Variants in TRIB2 observed in about 807,000 individuals in gnomAD.
TRIB2 encodes the protein tribbles homolog 2.
In TRIB2, 2 loss-of-function variants were observed where a neutral mutation model predicts 26.8. The observed-to-expected ratio is 0.07, with a 90% CI of 0.03 to 0.24. TRIB2 has a LOEUF of 0.24. Among genes scored for constraint, TRIB2 ranks in the 10% least tolerant of loss-of-function variants. The pLI, the probability that TRIB2 is intolerant of heterozygous loss-of-function variation, is 1.00. For synonymous variants in TRIB2, 189 were observed against 187.3 expected, an observed-to-expected ratio of 1.01 and a Z score of -0.08; for missense variants, 306 against 449.0, an observed-to-expected ratio of 0.68 and a Z score of 2.88.
chr2:12,728,639 C>A (rs912935436), intron 2 of TRIB2, among the ~76,000 whole-genome samples: 1 of 152,160 alleles, frequency 6.6e-6, no homozygotes, highest in South Asian at 2.1e-4. Flanking sequence ...TATCTCTTGA[C>A]GTGACAGGTT....
At chr2:12,725,447 CAGCT>C (rs1221560143) in intron 2 of TRIB2, among the ~76,000 whole-genome samples, 2 of 152,228 alleles carry the variant, frequency 1.3e-5, no homozygotes, top group African/African-American at 4.8e-5. Flanking sequence ...CCAGTGCACA[CAGCT>C]AGCTAGGAGC....
At chr2:12,722,548 G>T (rs1239356248) in intron 1 of TRIB2, among the ~76,000 whole-genome samples, 1 of 152,162 alleles carries the variant, frequency 6.6e-6, no homozygotes, top group African/African-American at 2.4e-5. Context: ...TTGGCATTTT[G>T]CAGGCTAATT....
At position 12,724,675 on chromosome 2, in the gene TRIB2, T is replaced by C. The variant is rs373482368; in HGVS notation, c.563+1123T>C. 70 of 1,612,806 alleles carry C rather than the reference T, an allele frequency of 4.3e-5. No homozygotes were observed. The African/African-American group carries it at 8.0e-4, about 18-fold the overall frequency. On this transcript the variant is annotated intron_variant, in intron 2 of 2. Coordinates refer to ENST00000155926, the MANE Select transcript of TRIB2 (RefSeq NM_021643.4). ...GGAGATGTTTCCCCTGGTTTTGCCT[T>C]CGATACCCTCTGTGATCTTGGATTG...
chr2:12,738,882 A>G (rs1661645838), intron 2 of TRIB2, among the ~76,000 whole-genome samples: 1 of 152,190 alleles, frequency 6.6e-6, no homozygotes, highest in South Asian at 2.1e-4. Context: ...AATTTATGTC[A>G]TACACAATGA....
chr2:12,724,158 G>A (rs1471010546), intron 2 of TRIB2, among the ~76,000 whole-genome samples: 1 of 152,154 alleles, frequency 6.6e-6, no homozygotes, highest in African/African-American at 2.4e-5. Context: ...TTACAGGAGG[G>A]GTGATTTTGG....
chr2:12,735,184 T>C (rs1345085925), intron 2 of TRIB2, among the ~76,000 whole-genome samples: 1 of 152,160 alleles, frequency 6.6e-6, no homozygotes, highest in African/African-American at 2.4e-5. Flanking sequence ...TGCCTAGAAG[T>C]TTTGTAAACA....
At chr2:12,733,173 C>G (rs1045570016) in intron 2 of TRIB2, among the ~76,000 whole-genome samples, 8 of 152,204 alleles carry the variant, frequency 5.3e-5, no homozygotes, top group African/African-American at 1.9e-4. Context: ...CACTGGCTTG[C>G]GAGGTGGCCT....
In TRIB2 at chr2:12,725,777, G is replaced by A. The variant is rs184495829; in HGVS notation, c.563+2225G>A. The stretch of plus-strand genomic sequence containing the variant: ...TTTCATTTTCAAGAGCATTTTCCAA[G>A]GTAAAAAGAGAATGTAAAGGACTGT... On this transcript the variant is annotated intron_variant, in intron 2 of 2. Coordinates refer to ENST00000155926, the MANE Select transcript of TRIB2 (RefSeq NM_021643.4). Among the ~76,000 whole-genome samples the A allele has an allele frequency of 5.3e-3, 808 of 152,340 alleles. 5 individuals are homozygous for A. The highest frequency in any genetic ancestry group is 9.2e-3 in the Non-Finnish European group (626 of 68,038).
chr2:12,727,652 T>C (rs1276312439), intron 2 of TRIB2, among the ~76,000 whole-genome samples: 3 of 152,116 alleles, frequency 2.0e-5, no homozygotes, highest in African/African-American at 7.2e-5. Context: ...TGCTTCTCCT[T>C]CGTTCCCAGG....
rs1034737249 is a variant in TRIB2, at chr2:12,718,004, GAC to G, written c.-294_-293del. On this transcript the variant is annotated 5_prime_UTR_variant, in exon 1 of 3. Coordinates refer to ENST00000155926, the MANE Select transcript of TRIB2 (RefSeq NM_021643.4). The surrounding 1 kb of genome is among the most constrained non-coding windows in gnomAD (Gnocchi z 4.0). ...GGTACTCATCCAGATCCACGCCGGG[GAC>G]ACACACACAGAGTAACTAAAAGTGC... 9.3e-5 allele frequency: 35 copies of G among 374,860 alleles called. No homozygotes were observed. Among genetic ancestry groups the G allele is most frequent in the Non-Finnish European group, 1.1e-4 (22 of 207,998 alleles). The allele number at this position is 374,860 out of a possible 1,614,324, so 23.2% of individuals were successfully genotyped here.
At chr2:12,734,551 G>A (rs1277299089) in intron 2 of TRIB2, among the ~76,000 whole-genome samples, 1 of 152,072 alleles carries the variant, frequency 6.6e-6, no homozygotes, top group Non-Finnish European at 1.5e-5. Flanking sequence ...AGGTGCAAAG[G>A]TTCATTCTTA....
chr2:12,741,072 C>G lies in TRIB2; in HGVS notation c.*278C>G, dbSNP rs1205368448. Reference sequence around the variant, plus strand: ...CCACCCCTTGCCACTTGGGCCACTTCCGCCTACCCCACTTTTCATTTTGTT... The same window carrying G: ...CCACCCCTTGCCACTTGGGCCACTTGCGCCTACCCCACTTTTCATTTTGTT... On this transcript the variant is annotated 3_prime_UTR_variant, in exon 3 of 3. Transcript: ENST00000155926. 2 of 396,746 alleles carry G rather than the reference C, an allele frequency of 5.0e-6. No homozygotes were observed. The highest frequency in any genetic ancestry group is 4.3e-5 in the South Asian group (1 of 23,000). 24.6% of individuals were successfully genotyped at this position (396,746 alleles called of 1,614,324 possible).
rs182275947 is a variant in TRIB2, at chr2:12,732,946, C to T, written c.564-7380C>T. ...CTGGATTTCACTGACCTTAGGCCAC[C>T]GGACTTCCCATCCCTGCCAGGCCCA... On this transcript the variant is annotated intron_variant, in intron 2 of 2. Transcript: ENST00000155926. The surrounding 1 kb of genome is among the most constrained non-coding windows in gnomAD (Gnocchi z 4.2). Among the ~76,000 whole-genome samples the T allele has an allele frequency of 5.3e-5, 8 of 152,264 alleles. No homozygotes were observed. The East Asian group carries it at 1.2e-3, about 22-fold the overall frequency.
At chr2:12,721,468 C>T (rs767494815) in intron 1 of TRIB2, among the ~76,000 whole-genome samples, 15 of 152,228 alleles carry the variant, frequency 9.9e-5, no homozygotes, top group Admixed American at 2.0e-4. Context: ...ACGTTAGCCA[C>T]TGCAAAGCTT....
In TRIB2 at chr2:12,741,022, G is replaced by T; in HGVS notation, c.*228G>T. The T allele has an allele frequency of 1.9e-6, 1 of 536,528 alleles. No homozygotes were observed. 33.2% of individuals were successfully genotyped at this position (536,528 alleles called of 1,614,324 possible). A position where few individuals can be genotyped will look rare whatever the true frequency, so the allele number is the denominator to read the frequency against. On this transcript the variant is annotated 3_prime_UTR_variant, in exon 3 of 3. Transcript: ENST00000155926. The stretch of plus-strand genomic sequence containing the variant: ...GATGGATGGGAGCCCGCTGGAGCTT[G>T]TCTTCCCTAACATAGCCTGGGAGAC...
chr2:12,734,420 G>T (rs1057084222), intron 2 of TRIB2, among the ~76,000 whole-genome samples: 1 of 152,036 alleles, frequency 6.6e-6, no homozygotes, highest in Non-Finnish European at 1.5e-5. Flanking sequence ...TCCAGCCCGC[G>T]GGAGGAACAA....
Position 12,740,834 on chromosome 2 carries a change from G to A in TRIB2, c.*40G>A, listed in dbSNP as rs200743113. On this transcript the variant is annotated 3_prime_UTR_variant, in exon 3 of 3. Coordinates refer to ENST00000155926, the MANE Select transcript of TRIB2 (RefSeq NM_021643.4). The surrounding 1 kb of genome is among the most constrained non-coding windows in gnomAD (Gnocchi z 5.8). Reference sequence around the variant, plus strand: ...GAGACTTAGCAGGTTCCAGGAGTGAGCGAGGGCAGCGGAAAGGAGTTCTTC... The same window carrying A: ...GAGACTTAGCAGGTTCCAGGAGTGAACGAGGGCAGCGGAAAGGAGTTCTTC... The A allele has an allele frequency of 6.4e-7, 1 of 1,564,586 alleles. No individual in the cohort carries two copies. Among genetic ancestry groups the A allele is most frequent in the East Asian group, 2.2e-5 (1 of 44,476 alleles).
rs574652896 is a variant in TRIB2, at chr2:12,718,898, G to T, written c.270+321G>T. On this transcript the variant is annotated intron_variant, in intron 1 of 2. Coordinates refer to ENST00000155926, the MANE Select transcript of TRIB2 (RefSeq NM_021643.4). The surrounding 1 kb of genome is among the most constrained non-coding windows in gnomAD (Gnocchi z 4.0). ...GAGGCCGGGTCCCGCTGCCCGGGGG[G>T]GATTTCTTCCTGTGTCTAGCCCCCT... 2.9e-4 allele frequency among the ~76,000 whole-genome samples: 44 copies of T among 152,152 alleles called. No individual in the cohort carries two copies. Among genetic ancestry groups the T allele is most frequent in the African/African-American group, 1.1e-3 (44 of 41,512 alleles).
chr2:12,738,497 C>G (rs890527902), intron 2 of TRIB2, among the ~76,000 whole-genome samples: 3 of 152,204 alleles, frequency 2.0e-5, no homozygotes, highest in Non-Finnish European at 4.4e-5. Context: ...TCCTCACCTT[C>G]TCTGCAAGCC....
Sources: gnomAD v4.1 joint callset for allele counts (sites outside exome capture counted in the v4.1 genomes callset) on GRCh38, gnomAD v4.1.1 for gene constraint, Gnocchi (gnomAD v3.1) non-coding constraint, MANE v1.5 for transcripts, NCBI Gene and HGNC (gene_info 2026-07-23, HGNC 2026-07-21) for gene names.